Variants in CNBD1 observed in about 807,000 individuals in gnomAD.
CNBD1 encodes the protein cyclic nucleotide binding domain containing 1.
A neutral mutation model predicts 54.4 loss-of-function variants in CNBD1; 71 were observed. The observed-to-expected ratio is 1.30, with a 90% confidence interval of 1.08 to 1.59. The LOEUF (loss-of-function observed/expected upper bound fraction) is 1.59. CNBD1 is among the 40% of genes most tolerant of loss of function. The pLI, the probability that CNBD1 is intolerant of heterozygous loss-of-function variation, is 0.00. For missense variants in CNBD1, 659 were observed against 518.0 expected (o/e 1.27, Z -2.64); for synonymous variants, 182 against 170.7 (o/e 1.07, Z -0.51).
At chr8:87,135,938 A>T (rs911081787) in intron 4 of CNBD1, among the ~76,000 whole-genome samples, 4 of 152,004 alleles carry the variant, frequency 2.6e-5, no homozygotes, top group Non-Finnish European at 4.4e-5. Context: ...CTAACAATCA[A>T]TCAATTAAAG....
At chr8:87,311,146 TC>T (rs1189117792) in intron 8 of CNBD1, among the ~76,000 whole-genome samples, 2 of 151,922 alleles carry the variant, frequency 1.3e-5, no homozygotes, top group East Asian at 3.9e-4. Flanking sequence ...AAAGAAACTA[TC>T]AACAGAATAA....
chr8:87,252,321 A>G (rs1366680661), intron 6 of CNBD1, among the ~76,000 whole-genome samples: 1 of 152,156 alleles, frequency 6.6e-6, no homozygotes, highest in East Asian at 1.9e-4. Flanking sequence ...ATGATAATTG[A>G]CTCTCAATAT....
At chr8:87,015,798 T>C (rs1809342463) in intron 4 of CNBD1, among the ~76,000 whole-genome samples, 1 of 151,860 alleles carries the variant, frequency 6.6e-6, no homozygotes, top group Admixed American at 6.6e-5. Context: ...CTAACCAACA[T>C]GGTGAAACCC....
Position 86,993,710 on chromosome 8 carries a change from G to T in CNBD1, c.431+53956G>T, listed in dbSNP as rs76655324. 9.5e-3 allele frequency among the ~76,000 whole-genome samples: 1,450 copies of T among 151,878 alleles called. 26 individuals carry two copies. The highest frequency in any genetic ancestry group is 0.033 in the African/African-American group (1,362 of 41,116). ...GATTCTAGCCTTTGGTATCACAGGG[G>T]TGTGTATTAAAAGAATATTTTTGGT... On this transcript the variant is annotated intron_variant, in intron 4 of 10. Coordinates refer to ENST00000518476, the MANE Select transcript of CNBD1 (RefSeq NM_173538.3).
At chr8:87,220,157 A>G (rs1586338255) in intron 5 of CNBD1, among the ~76,000 whole-genome samples, 1 of 152,018 alleles carries the variant, frequency 6.6e-6, no homozygotes, top group African/African-American at 2.4e-5. Flanking sequence ...ATATTTAACT[A>G]TTTTTTAAAG....
chr8:86,882,709 A>G (rs1808622903), intron 1 of CNBD1, among the ~76,000 whole-genome samples: 1 of 152,174 alleles, frequency 6.6e-6, no homozygotes, highest in South Asian at 2.1e-4. Context: ...TATTATAAAG[A>G]CACATGCACA....
chr8:87,277,401 A>C (rs751775644), intron 6 of CNBD1, among the ~76,000 whole-genome samples: 2 of 151,790 alleles, frequency 1.3e-5, no homozygotes, highest in Admixed American at 6.6e-5. Context: ...TACCAATTTA[A>C]ATCAGAACTC....
chr8:87,235,784 G>A (rs760274565), intron 5 of CNBD1, among the ~76,000 whole-genome samples: 3 of 152,138 alleles, frequency 2.0e-5, no homozygotes, highest in Non-Finnish European at 4.4e-5. Context: ...CTTGCTAGAT[G>A]CAAAGTTGCA....
At chr8:87,210,181 T>C (rs1211230520) in intron 5 of CNBD1, among the ~76,000 whole-genome samples, 2 of 152,204 alleles carry the variant, frequency 1.3e-5, no homozygotes, top group African/African-American at 2.4e-5. Context: ...GATCAAGATA[T>C]GGTCTGGCTA....
intron 4 of CNBD1, among the ~76,000 whole-genome samples, chr8:87,183,584 ATC>A (rs1813409989): frequency 6.6e-6 from 1 of 152,092 alleles, no homozygotes; most frequent in Admixed American, 6.5e-5. Flanking sequence ...TAATGTGGTC[ATC>A]TAGAGGTAAG....
At chr8:87,249,479 C>T (rs1807871383) in intron 6 of CNBD1, among the ~76,000 whole-genome samples, 1 of 152,126 alleles carries the variant, frequency 6.6e-6, no homozygotes, top group African/African-American at 2.4e-5. Flanking sequence ...ACCCCTTTAT[C>T]TGTGGAGAAA....
At chr8:86,986,788 T>C (rs1252725666) in intron 4 of CNBD1, among the ~76,000 whole-genome samples, 1 of 152,190 alleles carries the variant, frequency 6.6e-6, no homozygotes, top group Non-Finnish European at 1.5e-5. Flanking sequence ...CTATTGCTTA[T>C]TTTTGTCCAC....
chr8:86,985,648 C>T (rs772829152), intron 4 of CNBD1, among the ~76,000 whole-genome samples: 13 of 152,136 alleles, frequency 8.5e-5, no homozygotes, highest in Non-Finnish European at 1.9e-4. Context: ...TTGAATAACA[C>T]TGCAATGAAC....
intron 1 of CNBD1, among the ~76,000 whole-genome samples, chr8:86,874,207 T>C (rs1418112660): frequency 3.3e-5 from 5 of 152,254 alleles, no homozygotes; most frequent in Non-Finnish European, 7.3e-5. Flanking sequence ...GATCTTGCTG[T>C]CTTGTCTCTT....
chr8:87,408,992 A>T (rs768336748), intron 2 of CNBD1, among the ~76,000 whole-genome samples: 2 of 151,932 alleles, frequency 1.3e-5, no homozygotes, highest in African/African-American at 2.4e-5. Context: ...AAATTAGGCC[A>T]ATTAATAACC....
chr8:87,287,343 C>T (rs1469785631), intron 8 of CNBD1, among the ~76,000 whole-genome samples: 2 of 152,092 alleles, frequency 1.3e-5, no homozygotes, highest in African/African-American at 4.8e-5. Flanking sequence ...AGCTTTAGGT[C>T]TCTTTTGGTA....
intron 4 of CNBD1, among the ~76,000 whole-genome samples, chr8:86,998,573 C>A (rs1808929361): frequency 6.6e-6 from 1 of 152,116 alleles, no homozygotes; most frequent in Admixed American, 6.6e-5. Flanking sequence ...ATCCACAAAT[C>A]ACTGTGAAAA....
chr8:87,189,516 A>G (rs1451616614), intron 4 of CNBD1, among the ~76,000 whole-genome samples: 2 of 152,276 alleles, frequency 1.3e-5, no homozygotes, highest in East Asian at 1.9e-4. Flanking sequence ...TCTCTCTACA[A>G]GAAAAAAGCC....
chr8:87,265,379 T>C (rs1414576678), intron 6 of CNBD1, among the ~76,000 whole-genome samples: 1 of 152,148 alleles, frequency 6.6e-6, no homozygotes, highest in Admixed American at 6.5e-5. Flanking sequence ...TTGGTACCAG[T>C]ACCATGCTGT....
Sources: allele counts gnomAD v4.1 joint callset (sites outside exome capture counted in the v4.1 genomes callset), GRCh38; gene constraint gnomAD v4.1.1; transcripts MANE v1.5; gene names NCBI Gene and HGNC (gene_info 2026-07-23, HGNC 2026-07-21).